GPR39: variants seen among roughly 807,000 people sequenced by gnomAD.
The protein encoded by GPR39 is G protein-coupled receptor 39.
A neutral mutation model predicts 18.4 loss-of-function variants in GPR39; 23 were observed. The ratio of observed to expected loss-of-function variants is 1.25; its 90% CI spans 0.90 to 1.77. GPR39 has a LOEUF of 1.77. Among genes scored for constraint, GPR39 ranks in the 40% most tolerant of loss-of-function variants. GPR39 has a pLI of 0.00. For synonymous variants in GPR39, 280 were observed against 257.9 expected, an observed-to-expected ratio of 1.09 and a Z score of -0.82; for missense variants, 647 against 602.4, an observed-to-expected ratio of 1.07 and a Z score of -0.78.
intron 1 of GPR39, among the ~76,000 whole-genome samples, chr2:132,542,372 A>G (rs1407231838): frequency 6.6e-6 from 1 of 152,146 alleles, no homozygotes; most frequent in East Asian, 1.9e-4. Flanking sequence ...TCCCCACTCT[A>G]CCAGTAACTA....
At chr2:132,598,849 C>A (rs568880160) in intron 1 of GPR39, among the ~76,000 whole-genome samples, 1 of 152,270 alleles carries the variant, frequency 6.6e-6, no homozygotes, top group Non-Finnish European at 1.5e-5. Context: ...TGACATGTAA[C>A]AAGGTCCCTG....
At chr2:132,530,061 A>T (rs1404505225) in intron 1 of GPR39, among the ~76,000 whole-genome samples, 1 of 152,166 alleles carries the variant, frequency 6.6e-6, no homozygotes, top group African/African-American at 2.4e-5. Flanking sequence ...CTCTGAGCTA[A>T]AGGAGGAAGT....
chr2:132,612,472 C>T (rs1681254328), intron 1 of GPR39, among the ~76,000 whole-genome samples: 1 of 152,152 alleles, frequency 6.6e-6, no homozygotes, highest in African/African-American at 2.4e-5. Context: ...TTCTGACAAG[C>T]TATCTTTCAC....
Position 132,417,106 on chromosome 2 carries a change from G to T in GPR39, c.64G>T (p.Glu22Ter). 6.2e-7 allele frequency: 1 copy of T among 1,614,130 alleles called. No individual in the cohort carries two copies. The highest frequency in any genetic ancestry group is 2.2e-5 in the East Asian group (1 of 44,858). The change falls in exon 1 of 2, where the codon GAG becomes TAG. Residue 22 changes from glutamate (E) to a stop codon, truncating the protein, a stop_gained. Transcript: ENST00000329321. LOFTEE classifies it high-confidence loss of function. ...SQIIDHSHVP[E>*]FEVATWIKIT... Reference sequence around the variant, plus strand: ...AATCATTGATCACAGTCATGTCCCCGAGTTTGAGGTGGCCACCTGGATCAA... The same window carrying T: ...AATCATTGATCACAGTCATGTCCCCTAGTTTGAGGTGGCCACCTGGATCAA...
At chr2:132,543,983 C>T (rs1159492000) in intron 1 of GPR39, among the ~76,000 whole-genome samples, 2 of 152,138 alleles carry the variant, frequency 1.3e-5, no homozygotes, top group African/African-American at 4.8e-5. Context: ...TGTTTTGGCC[C>T]ATGGCATGAC....
At chr2:132,514,897 C>A (rs551314030) in intron 1 of GPR39, among the ~76,000 whole-genome samples, 1 of 152,252 alleles carries the variant, frequency 6.6e-6, no homozygotes, top group African/African-American at 2.4e-5. Context: ...AATACTCTAG[C>A]CCTATTACCA....
intron 1 of GPR39, among the ~76,000 whole-genome samples, chr2:132,581,937 A>C (rs1211806298): frequency 2.0e-5 from 3 of 152,124 alleles, no homozygotes; most frequent in Non-Finnish European, 4.4e-5. Context: ...TGTTTACTGC[A>C]GATGTTTCAA....
rs530819992 is a variant in GPR39, at chr2:132,429,971, T to G, written c.856+12073T>G. Among the ~76,000 whole-genome samples the G allele has an allele frequency of 7.9e-5, 12 of 152,332 alleles. No individual in the cohort carries two copies. The South Asian group carries it at 2.5e-3, about 32-fold the overall frequency. ...GTTAAATATGGAGGAAGTTGATAGC[T>G]AGGCTAATGGATTCAGACTATGTAT... On this transcript the variant is annotated intron_variant, in intron 1 of 1. Transcript: ENST00000329321.
chr2:132,443,621 A>G (rs932018126), intron 1 of GPR39, among the ~76,000 whole-genome samples: 7 of 152,214 alleles, frequency 4.6e-5, no homozygotes, highest in Non-Finnish European at 8.8e-5. Flanking sequence ...GTTATTTTCA[A>G]TGTATGATGA....
chr2:132,509,981 G>C (rs1207567370), intron 1 of GPR39, among the ~76,000 whole-genome samples: 3 of 152,164 alleles, frequency 2.0e-5, no homozygotes, highest in Non-Finnish European at 4.4e-5. Flanking sequence ...TGGCATAAAG[G>C]AGGGGAGGAG....
At chr2:132,457,896 G>A (rs149952784) in intron 1 of GPR39, among the ~76,000 whole-genome samples, 198 of 152,346 alleles carry the variant, frequency 1.3e-3, no homozygotes, top group African/African-American at 4.5e-3. Context: ...GGACTGCTGC[G>A]CTAGCAGTGA....
In GPR39 at chr2:132,646,278, T is replaced by G; in HGVS notation, c.*672T>G. 6.5e-7 allele frequency: 1 copy of G among 1,539,556 alleles called. No individual in the cohort carries two copies. Among genetic ancestry groups the G allele is most frequent in the Non-Finnish European group, 8.8e-7 (1 of 1,138,972 alleles). On this transcript the variant is annotated 3_prime_UTR_variant, in exon 2 of 2. Coordinates refer to ENST00000329321, the MANE Select transcript of GPR39 (RefSeq NM_001508.3). ...GATGCACAGGACTTGCGGTACATGATCCCTGTAACACAGACCCAAAGGAGC... is the reference window on the plus strand; with the variant it reads ...GATGCACAGGACTTGCGGTACATGAGCCCTGTAACACAGACCCAAAGGAGC...
chr2:132,453,546 G>T (rs2104772328), intron 1 of GPR39, among the ~76,000 whole-genome samples: 1 of 152,224 alleles, frequency 6.6e-6, no homozygotes, highest in Non-Finnish European at 1.5e-5. Flanking sequence ...TAGTCATGAG[G>T]TCCTTGCCCA....
intron 1 of GPR39, among the ~76,000 whole-genome samples, chr2:132,505,840 G>A (rs927296971): frequency 1.3e-5 from 2 of 152,144 alleles, no homozygotes; most frequent in African/African-American, 4.8e-5. Context: ...CTTGGCTATC[G>A]CGAATTGCGC....
chr2:132,491,785 T>A (rs891007535), intron 1 of GPR39, among the ~76,000 whole-genome samples: 7 of 151,848 alleles, frequency 4.6e-5, no homozygotes, highest in Non-Finnish European at 1.0e-4. Flanking sequence ...AGTCCTAGCT[T>A]CACATGTCCT....
chr2:132,616,262 G>T (rs1325107207), intron 1 of GPR39, among the ~76,000 whole-genome samples: 2 of 152,158 alleles, frequency 1.3e-5, no homozygotes, highest in Admixed American at 1.3e-4. Flanking sequence ...GTTAGGGGAG[G>T]TGGTTCTTCA....
Position 132,539,163 on chromosome 2 carries a change from C to T in GPR39, c.857-105938C>T, listed in dbSNP as rs1679814874. On this transcript the variant is annotated intron_variant, in intron 1 of 1. Coordinates refer to ENST00000329321, the MANE Select transcript of GPR39 (RefSeq NM_001508.3). ...GCCCAAACAGTGGTCTATTTTTGTG[C>T]TTGAAACCCAGGGCCCTGGTGGTGT... Among the ~76,000 whole-genome samples, 3 of 152,118 alleles carry T rather than the reference C, an allele frequency of 2.0e-5. No individual in the cohort carries two copies. The South Asian group carries it at 6.2e-4, about 32-fold the overall frequency.
chr2:132,532,319 C>T (rs769885190), intron 1 of GPR39, among the ~76,000 whole-genome samples: 26 of 152,270 alleles, frequency 1.7e-4, no homozygotes, highest in Non-Finnish European at 2.9e-4. Flanking sequence ...CTGGATAGAC[C>T]AACAACAGGC....
chr2:132,579,135 G>A (rs751815023), intron 1 of GPR39, among the ~76,000 whole-genome samples: 1 of 150,246 alleles, frequency 6.7e-6, no homozygotes, highest in East Asian at 1.9e-4. Context: ...CTCTTTAGCT[G>A]TGTCCCACAA....
Sources: gnomAD v4.1 joint callset for allele counts (sites outside exome capture counted in the v4.1 genomes callset) on GRCh38, gnomAD v4.1.1 for gene constraint, MANE v1.5 for transcripts, NCBI Gene and HGNC (gene_info 2026-07-23, HGNC 2026-07-21) for gene names.